The following SLC24A3 variants were observed in gnomAD, a reference collection of about 807,000 sequenced individuals.
SLC24A3 encodes the protein sodium/potassium/calcium exchanger 3.
SLC24A3 carries 28 observed loss-of-function variants against 75.8 expected under a neutral mutation model. The ratio of observed to expected loss-of-function variants is 0.37; its 90% CI spans 0.27 to 0.51. SLC24A3 has a LOEUF of 0.51. Ranked by LOEUF, SLC24A3 falls within the 20% of genes least tolerant of loss-of-function variation. The pLI is 0.94. For missense variants in SLC24A3, 663 were observed against 847.8 expected, an observed-to-expected ratio of 0.78 and a Z score of 2.71; for synonymous variants, 372 against 334.1, an observed-to-expected ratio of 1.11 and a Z score of -1.24.
intron 1 of SLC24A3, among the ~76,000 whole-genome samples, chr20:19,233,875 A>C (rs977113620): frequency 2.6e-5 from 4 of 152,124 alleles, no homozygotes; most frequent in African/African-American, 9.7e-5. Flanking sequence ...CAGTTTCTTT[A>C]TCTATAGAAT....
At chr20:19,631,493 T>C (rs1186801058) in intron 6 of SLC24A3, among the ~76,000 whole-genome samples, 1 of 152,228 alleles carries the variant, frequency 6.6e-6, no homozygotes, top group African/African-American at 2.4e-5. Context: ...TGAGATTACA[T>C]TCCAATAAAC....
intron 12 of SLC24A3, among the ~76,000 whole-genome samples, chr20:19,688,412 G>A (rs2032705208): frequency 6.6e-6 from 1 of 152,240 alleles, no homozygotes; most frequent in Non-Finnish European, 1.5e-5. Flanking sequence ...TCCACCAGCT[G>A]CTAAGGAATC....
chr20:19,436,899 G>GGGTC (rs1425253153), intron 2 of SLC24A3, among the ~76,000 whole-genome samples: 3 of 152,294 alleles, frequency 2.0e-5, no homozygotes, highest in Admixed American at 6.5e-5. Context: ...CAGGGGATTG[G>GGGTC]GGTCACATCA....
At chr20:19,518,437 G>A (rs1306018856) in intron 3 of SLC24A3, among the ~76,000 whole-genome samples, 1 of 152,184 alleles carries the variant, frequency 6.6e-6, no homozygotes, top group Non-Finnish European at 1.5e-5. Context: ...TGCTGTGGGA[G>A]CTTAGAGGAG....
intron 2 of SLC24A3, among the ~76,000 whole-genome samples, chr20:19,442,035 C>T (rs553230713): frequency 9.2e-5 from 14 of 152,284 alleles, no homozygotes; most frequent in East Asian, 1.9e-4. Context: ...GGCTTGATAG[C>T]GCATTTCTTT....
intron 14 of SLC24A3, among the ~76,000 whole-genome samples, chr20:19,698,172 C>T (rs1259231861): frequency 4.6e-5 from 7 of 152,106 alleles, no homozygotes; most frequent in African/African-American, 9.7e-5. Flanking sequence ...ATCACAAAGC[C>T]GGTACCAATG....
chr20:19,505,226 T>C (rs1460220037), intron 2 of SLC24A3, among the ~76,000 whole-genome samples: 1 of 152,156 alleles, frequency 6.6e-6, no homozygotes, highest in Non-Finnish European at 1.5e-5. Context: ...TCTCATGATG[T>C]TGGATCAACT....
At chr20:19,643,349 A>C (rs2032097458) in intron 6 of SLC24A3, among the ~76,000 whole-genome samples, 1 of 152,206 alleles carries the variant, frequency 6.6e-6, no homozygotes, top group Non-Finnish European at 1.5e-5. Context: ...TCTTAATTTT[A>C]AAAGCACAAT....
chr20:19,664,853 C>T (rs562908938), intron 7 of SLC24A3, among the ~76,000 whole-genome samples: 3 of 152,280 alleles, frequency 2.0e-5, no homozygotes, highest in African/African-American at 4.8e-5. Flanking sequence ...CATTTGGTTT[C>T]GGCAACATGT....
intron 1 of SLC24A3, among the ~76,000 whole-genome samples, chr20:19,214,511 C>A (rs973481663): frequency 6.6e-6 from 1 of 152,186 alleles, no homozygotes; most frequent in Non-Finnish European, 1.5e-5. Context: ...GTGGATTACA[C>A]GCTGGCCATT....
At chr20:19,552,209 C>T (rs914056959) in intron 3 of SLC24A3, among the ~76,000 whole-genome samples, 3 of 152,186 alleles carry the variant, frequency 2.0e-5, no homozygotes, top group African/African-American at 7.2e-5. Context: ...CAGAAATGGG[C>T]AGGTGAGCTG....
Position 19,618,973 on chromosome 20 carries a change from G to A in SLC24A3, c.612+33429G>A, listed in dbSNP as rs180740327. ...CCAAACTGTAAAACCACGGCAGGGT[G>A]AACCACCAGGGCAGCCCAGAGCTCC... On this transcript the variant is annotated intron_variant, in intron 6 of 16. Coordinates refer to ENST00000328041, the MANE Select transcript of SLC24A3 (RefSeq NM_020689.4). Among the ~76,000 whole-genome samples, 5 of 152,272 alleles carry A rather than the reference G, an allele frequency of 3.3e-5. No individual in the cohort carries two copies. In the East Asian group the frequency reaches 9.7e-4, roughly 29 times the overall value.
intron 1 of SLC24A3, 105 bp downstream of exon 1, chr20:19,213,089 G>T: frequency 3.6e-6 from 4 of 1,126,628 alleles, no homozygotes; most frequent in Non-Finnish European, 4.4e-6. Context: ...GGAGCCCCAG[G>T]ATAAGCGGGC....
At chr20:19,402,424 G>C (rs984775736) in intron 2 of SLC24A3, among the ~76,000 whole-genome samples, 3 of 152,132 alleles carry the variant, frequency 2.0e-5, no homozygotes, top group African/African-American at 7.2e-5. Context: ...GTCTCAGAAG[G>C]ACAGAAATGA....
intron 6 of SLC24A3, among the ~76,000 whole-genome samples, chr20:19,640,460 T>C (rs2122697059): frequency 6.6e-6 from 1 of 152,302 alleles, no homozygotes; most frequent in East Asian, 1.9e-4. Flanking sequence ...GTCAATATCA[T>C]TTTTTAAGCA....
Position 19,586,474 on chromosome 20 carries a change from C to T in SLC24A3, c.612+930C>T, listed in dbSNP as rs6112476. On this transcript the variant is annotated intron_variant, in intron 6 of 16. Coordinates refer to ENST00000328041, the MANE Select transcript of SLC24A3 (RefSeq NM_020689.4). ...CTTGATATGAACAGTGCACTGTTCT[C>T]CTAGAAGTGGCTGATTGGGTCAGGG... 1.9e-3 allele frequency among the ~76,000 whole-genome samples: 296 copies of T among 152,096 alleles called. 2 individuals are homozygous for T. Among genetic ancestry groups the T allele is most frequent in the African/African-American group, 6.8e-3 (281 of 41,474 alleles).
chr20:19,549,240 C>CT lies in SLC24A3; in HGVS notation c.349-30757dup, dbSNP rs562845426. On this transcript the variant is annotated intron_variant, in intron 3 of 16. Transcript: ENST00000328041. Reference sequence around the variant, plus strand: ...CTGGGTAGCCACTTCTCTGTGAAGGCTTTACACCATGATTAAAAGAGCATC... The same window carrying CT: ...CTGGGTAGCCACTTCTCTGTGAAGGCTTTTACACCATGATTAAAAGAGCATC... 3.0e-4 allele frequency among the ~76,000 whole-genome samples: 46 copies of CT among 152,306 alleles called. 1 individual carries two copies. Among genetic ancestry groups the CT allele is most frequent in the Admixed American group, 2.2e-3 (34 of 15,298 alleles).
chr20:19,276,831 G>A (rs987964086), intron 1 of SLC24A3, among the ~76,000 whole-genome samples: 2 of 151,886 alleles, frequency 1.3e-5, no homozygotes, highest in African/African-American at 4.8e-5. Context: ...TGTGAGCCTC[G>A]GAGTTTGAGG....
intron 2 of SLC24A3, among the ~76,000 whole-genome samples, chr20:19,456,602 A>G (rs762927816): frequency 1.2e-4 from 18 of 152,210 alleles, no homozygotes; most frequent in Non-Finnish European, 2.1e-4. Flanking sequence ...ATGGACTAAT[A>G]CACAACCCAT....
Sources: gnomAD v4.1 joint callset for allele counts (sites outside exome capture counted in the v4.1 genomes callset) on GRCh38, gnomAD v4.1.1 for gene constraint, MANE v1.5 for transcripts, NCBI Gene and HGNC (gene_info 2026-07-23, HGNC 2026-07-21) for gene names.